Variants in PSPC1 observed in about 807,000 individuals in gnomAD.
The protein encoded by PSPC1 is paraspeckle component 1, also known as paraspeckle protein 1.
Under a neutral mutation model 51.6 loss-of-function variants are expected in PSPC1, and 14 were observed. The observed-to-expected ratio is 0.27, with a 90% confidence interval of 0.18 to 0.42. The LOEUF (loss-of-function observed/expected upper bound fraction) is 0.42. Ranked by LOEUF, PSPC1 falls within the 10% of genes least tolerant of loss-of-function variation. The pLI is 1.00. For missense variants in PSPC1, 406 were observed against 701.1 expected (o/e 0.58, Z 4.75); for synonymous variants, 193 against 231.9 (o/e 0.83, Z 1.53).
At chr13:19,730,398 G>T in intron 5 of PSPC1, 54 bp from the exon 6 acceptor site, 1 of 1,459,592 alleles carries the variant, frequency 6.9e-7, no homozygotes. Context: ...GCTGCCATTG[G>T]ACATTTTACT....
rs777746818 is a variant in PSPC1, at chr13:19,753,382, C to A, written c.771-1915G>T. 3.3e-5 allele frequency among the ~76,000 whole-genome samples: 5 copies of A among 151,512 alleles called. No homozygotes were observed. In the South Asian group the frequency reaches 6.3e-4, roughly 19 times the overall value. On this transcript the variant is annotated intron_variant, in intron 3 of 8. Transcript: ENST00000338910. ...TACAGAGCACCTAGAACTACAGAGG[C>A]ATGCCACCATGACCAGCTAATTTTT...
At chr13:19,675,559 G>C (rs1403594491) in intron 7 of PSPC1, 1 of 136,464 alleles carries the variant, frequency 7.3e-6, no homozygotes, top group Non-Finnish European at 1.6e-5. Context: ...TAAACTGCTT[G>C]TATGGAGTAA....
At chr13:19,714,639 C>G (rs1881871791) in intron 6 of PSPC1, among the ~76,000 whole-genome samples, 1 of 151,650 alleles carries the variant, frequency 6.6e-6, no homozygotes, top group South Asian at 2.1e-4. Context: ...GAACTATAGG[C>G]AGATACCATC....
intron 2 of PSPC1, among the ~76,000 whole-genome samples, chr13:19,761,051 G>A (rs1887566583): frequency 6.6e-6 from 1 of 151,930 alleles, no homozygotes; most frequent in Non-Finnish European, 1.5e-5. Flanking sequence ...AGGCTGAGGT[G>A]GGAAGATCAC....
chr13:19,673,087 GGTTTTTTTTT>G (rs1417205600), downstream of PSPC1: 1 of 52,654 alleles, frequency 1.9e-5, no homozygotes, highest in Admixed American at 2.8e-4. Flanking sequence ...GAACCTATAC[GGTTTTTTTTT>G]GTTTTTTTTT....
At chr13:19,682,910 A>T (rs530425914) in intron 6 of PSPC1, among the ~76,000 whole-genome samples, 3 of 152,072 alleles carry the variant, frequency 2.0e-5, no homozygotes, top group East Asian at 3.9e-4. Flanking sequence ...ACTAAAAAAA[A>T]AAAATAAATT....
intron 5 of PSPC1, among the ~76,000 whole-genome samples, chr13:19,734,398 C>T (rs1187957351): frequency 2.6e-5 from 4 of 152,178 alleles, no homozygotes; most frequent in Non-Finnish European, 5.9e-5. Context: ...CTGAAAGACG[C>T]CTACTGGATG....
intron 7 of PSPC1, among the ~76,000 whole-genome samples, chr13:19,707,670 A>G (rs190543553): frequency 3.9e-5 from 6 of 152,320 alleles, no homozygotes; most frequent in South Asian, 2.1e-4. Context: ...ATTTTAAGTT[A>G]TCTTCAATTC....
intron 5 of PSPC1, among the ~76,000 whole-genome samples, chr13:19,736,600 A>G (rs184941410): frequency 0.01 from 1,547 of 152,170 alleles, 27 homozygotes; most frequent in African/African-American, 0.033. Context: ...GGAGAATGGC[A>G]TGAACCTGGG....
intron 6 of PSPC1, among the ~76,000 whole-genome samples, chr13:19,721,982 T>G (rs570936710): frequency 6.6e-6 from 1 of 152,240 alleles, no homozygotes; most frequent in Non-Finnish European, 1.5e-5. Context: ...TGCCAAGGTC[T>G]AGTGATCCAT....
chr13:19,682,523 A>G (rs900620679), intron 6 of PSPC1, among the ~76,000 whole-genome samples: 35 of 150,604 alleles, frequency 2.3e-4, no homozygotes, highest in Admixed American at 2.1e-3. Context: ...TATAAAGGGT[A>G]CTCAACATCA....
At chr13:19,738,257 A>G (rs1224552345) in intron 5 of PSPC1, among the ~76,000 whole-genome samples, 1 of 152,204 alleles carries the variant, frequency 6.6e-6, no homozygotes, top group Non-Finnish European at 1.5e-5. Flanking sequence ...TTAGCCGTTC[A>G]TCTTTCTCTA....
chr13:19,710,930 T>G (rs1301767032), intron 6 of PSPC1, among the ~76,000 whole-genome samples: 1 of 152,008 alleles, frequency 6.6e-6, no homozygotes, highest in Non-Finnish European at 1.5e-5. Flanking sequence ...CTCGAACTCC[T>G]GGGCTCAAGT....
At chr13:19,757,577 A>T (rs1001497081) in intron 3 of PSPC1, among the ~76,000 whole-genome samples, 2 of 152,186 alleles carry the variant, frequency 1.3e-5, no homozygotes, top group African/African-American at 4.8e-5. Flanking sequence ...CAATTCAGCT[A>T]TAACAGGAAA....
intron 6 of PSPC1, among the ~76,000 whole-genome samples, chr13:19,729,636 T>C (rs1399068189): frequency 6.6e-6 from 1 of 150,998 alleles, no homozygotes; most frequent in Non-Finnish European, 1.5e-5. Flanking sequence ...AAACCAAATG[T>C]TTAAAAAAAA....
At chr13:19,730,187 A>C (rs979393094) in intron 6 of PSPC1, 52 bp downstream of exon 6, 1 of 1,485,974 alleles carries the variant, frequency 6.7e-7, no homozygotes, top group Admixed American at 1.7e-5. Context: ...CTAAATATGC[A>C]TCATAAACCT....
intron 6 of PSPC1, among the ~76,000 whole-genome samples, chr13:19,681,123 G>C (rs1877223228): frequency 6.6e-6 from 1 of 152,250 alleles, no homozygotes; most frequent in South Asian, 2.1e-4. Context: ...GCTGAGATGG[G>C]AGAATCACTT....
At chr13:19,761,714 A>T (rs1262014126) in intron 2 of PSPC1, among the ~76,000 whole-genome samples, 4 of 152,224 alleles carry the variant, frequency 2.6e-5, no homozygotes, top group African/African-American at 7.2e-5. Flanking sequence ...AAGAGACTTA[A>T]GATGTGGTAC....
chr13:19,751,510 TA>T (rs758440845), intron 3 of PSPC1, 43 bp from the exon 4 acceptor site: 41 of 1,349,698 alleles, frequency 3.0e-5, no homozygotes, highest in Non-Finnish European at 3.9e-5. Context: ...GCTTAAAAGG[TA>T]AAACAACAAC....
Sources: gnomAD v4.1 joint callset for allele counts (sites outside exome capture counted in the v4.1 genomes callset) on GRCh38, gnomAD v4.1.1 for gene constraint, MANE v1.5 for transcripts, NCBI Gene and HGNC (gene_info 2026-07-23, HGNC 2026-07-21) for gene names.